The following SLC2A13 variants were observed in gnomAD, a reference collection of about 807,000 sequenced individuals.
The protein encoded by SLC2A13 is solute carrier family 2 member 13, also known as proton myo-inositol cotransporter.
SLC2A13 carries 32 observed loss-of-function variants against 64.4 expected under a neutral mutation model. That is an observed-to-expected ratio of 0.50 (90% confidence interval 0.37 to 0.67). The LOEUF (loss-of-function observed/expected upper bound fraction) is 0.67, where lower values mean the gene tolerates loss of function less well. Among genes scored for constraint, SLC2A13 ranks in the 30% least tolerant of loss-of-function variants. The pLI, the probability that SLC2A13 is intolerant of heterozygous loss-of-function variation, is 0.00. For missense variants in SLC2A13, 743 were observed against 829.2 expected, an observed-to-expected ratio of 0.90 and a Z score of 1.28; for synonymous variants, 338 against 327.1, an observed-to-expected ratio of 1.03 and a Z score of -0.36.
chr12:39,931,413 C>T (rs771531407), intron 4 of SLC2A13, among the ~76,000 whole-genome samples: 2 of 152,182 alleles, frequency 1.3e-5, no homozygotes, highest in Admixed American at 6.5e-5. Context: ...CAGCCCTATT[C>T]GCCTGCCAGC....
chr12:40,053,658 A>G (rs1254125580), intron 1 of SLC2A13, among the ~76,000 whole-genome samples: 1 of 152,176 alleles, frequency 6.6e-6, no homozygotes, highest in East Asian at 1.9e-4. Flanking sequence ...AGCTTGGAAC[A>G]ATTAGTAAGA....
intron 6 of SLC2A13, among the ~76,000 whole-genome samples, chr12:39,851,643 T>C (rs1004916071): frequency 4.6e-5 from 7 of 152,122 alleles, no homozygotes; most frequent in Non-Finnish European, 1.0e-4. Flanking sequence ...GCAATTCAGA[T>C]ACACACATAG....
chr12:39,851,479 G>C (rs561380889), intron 6 of SLC2A13, among the ~76,000 whole-genome samples: 3 of 152,144 alleles, frequency 2.0e-5, no homozygotes, highest in Admixed American at 6.5e-5. Context: ...TTAGTGTAAA[G>C]GTTAGTGATT....
intron 7 of SLC2A13, among the ~76,000 whole-genome samples, chr12:39,789,602 A>C (rs1941307004): frequency 6.6e-6 from 1 of 152,204 alleles, no homozygotes; most frequent in South Asian, 2.1e-4. Context: ...GTATGTGCAC[A>C]CAGTCAATTT....
chr12:40,085,035 T>C (rs1592071147), intron 1 of SLC2A13, among the ~76,000 whole-genome samples: 1 of 152,172 alleles, frequency 6.6e-6, no homozygotes, highest in Admixed American at 6.5e-5. Context: ...TAATTGATTA[T>C]GACACTTCTT....
At chr12:39,858,222 T>C (rs940967959) in intron 6 of SLC2A13, among the ~76,000 whole-genome samples, 7 of 152,232 alleles carry the variant, frequency 4.6e-5, no homozygotes, top group African/African-American at 1.7e-4. Context: ...TATTTGGCAA[T>C]AAGGTCACAG....
At chr12:39,999,513 C>G (rs1389420383) in intron 3 of SLC2A13, among the ~76,000 whole-genome samples, 1 of 152,152 alleles carries the variant, frequency 6.6e-6, no homozygotes, top group East Asian at 1.9e-4. Flanking sequence ...ATGCCCTGGT[C>G]TCCTGCAATA....
chr12:39,763,810 C>A (rs1444909354), intron 9 of SLC2A13, among the ~76,000 whole-genome samples: 1 of 152,080 alleles, frequency 6.6e-6, no homozygotes, highest in East Asian at 1.9e-4. Flanking sequence ...AAGTCTTTTC[C>A]TGACTCAGCC....
intron 4 of SLC2A13, among the ~76,000 whole-genome samples, chr12:39,933,022 T>C (rs1945855261): frequency 1.3e-5 from 2 of 151,750 alleles, no homozygotes; most frequent in Non-Finnish European, 2.9e-5. Flanking sequence ...GGTCAGGAGT[T>C]CAAGACCAGC....
intron 7 of SLC2A13, among the ~76,000 whole-genome samples, chr12:39,795,620 A>G (rs1941547921): frequency 6.6e-6 from 1 of 152,162 alleles, no homozygotes. Flanking sequence ...TTGGATAGAC[A>G]TTGTTATTTC....
rs1272196889 is a variant in SLC2A13, at chr12:39,895,687, T to C, written c.1035-23726A>G. On this transcript the variant is annotated intron_variant, in intron 4 of 9. Transcript: ENST00000280871. The stretch of plus-strand genomic sequence containing the variant: ...GTATATGCGTGTATACGTACACACA[T>C]ATGTATATGCGTGTATACGTACACA... Among the ~76,000 whole-genome samples, 5 of 58,866 alleles carry C rather than the reference T, an allele frequency of 8.5e-5. 1 individual carries two copies. The highest frequency in any genetic ancestry group is 1.9e-4 in the Non-Finnish European group (4 of 20,994). The allele number at this position is 58,866 out of a possible 152,430, so 38.6% of individuals were successfully genotyped here.
At chr12:39,882,412 T>G (rs1157598583) in intron 4 of SLC2A13, among the ~76,000 whole-genome samples, 1 of 152,218 alleles carries the variant, frequency 6.6e-6, no homozygotes, top group Non-Finnish European at 1.5e-5. Flanking sequence ...CTGTTAATCC[T>G]TTGTTATACT....
chr12:39,826,883 G>T (rs117816684), intron 7 of SLC2A13, among the ~76,000 whole-genome samples: 1,744 of 43,082 alleles, frequency 0.04, 76 homozygotes, highest in East Asian at 0.3. Flanking sequence ...GCAATGCAAG[G>T]TTCTTTATGT....
At chr12:39,904,638 C>T (rs567601131) in intron 4 of SLC2A13, among the ~76,000 whole-genome samples, 14 of 152,244 alleles carry the variant, frequency 9.2e-5, no homozygotes, top group South Asian at 4.2e-4. Context: ...TGTCCTATCA[C>T]GTGCCTTCTT....
At chr12:39,880,458 A>C (rs537421211) in intron 4 of SLC2A13, among the ~76,000 whole-genome samples, 19 of 152,344 alleles carry the variant, frequency 1.2e-4, no homozygotes, top group African/African-American at 4.1e-4. Context: ...AAAAGTTAGA[A>C]AAGTAGAAAT....
intron 7 of SLC2A13, among the ~76,000 whole-genome samples, chr12:39,801,574 A>G (rs1265961367): frequency 1.3e-5 from 2 of 152,236 alleles, no homozygotes; most frequent in Non-Finnish European, 1.5e-5. Flanking sequence ...CTGAATACAA[A>G]GATTATTACA....
intron 5 of SLC2A13, among the ~76,000 whole-genome samples, chr12:39,868,396 A>G (rs1355364442): frequency 6.6e-6 from 1 of 152,132 alleles, no homozygotes; most frequent in Non-Finnish European, 1.5e-5. Context: ...GTAAATACTC[A>G]AAAAAACAAA....
At chr12:39,960,996 C>T (rs548986101) in intron 3 of SLC2A13, among the ~76,000 whole-genome samples, 1 of 151,922 alleles carries the variant, frequency 6.6e-6, no homozygotes, top group African/African-American at 2.4e-5. Context: ...ATCCACTCGT[C>T]TTGGCCTTCC....
chr12:39,952,654 ATTAAT>A (rs943127808), intron 3 of SLC2A13, among the ~76,000 whole-genome samples: 1 of 152,202 alleles, frequency 6.6e-6, no homozygotes, highest in Non-Finnish European at 1.5e-5. Flanking sequence ...GAGGGAATAG[ATTAAT>A]TTAGAGAAGC....
Sources: allele counts gnomAD v4.1 joint callset (sites outside exome capture counted in the v4.1 genomes callset), GRCh38; gene constraint gnomAD v4.1.1; transcripts MANE v1.5; gene names NCBI Gene and HGNC (gene_info 2026-07-23, HGNC 2026-07-21).